SLC9C2: variants seen among roughly 807,000 people sequenced by gnomAD.
SLC9C2 encodes the protein solute carrier family 9 member C2 (putative).
Under a neutral mutation model 140.2 loss-of-function variants are expected in SLC9C2, and 75 were observed. That is an observed-to-expected ratio of 0.53 (90% CI 0.44 to 0.65). The LOEUF (loss-of-function observed/expected upper bound fraction) is 0.65. SLC9C2 is among the 30% of genes least tolerant of loss of function. The pLI, the probability that SLC9C2 is intolerant of heterozygous loss-of-function variation, is 0.00. For missense variants in SLC9C2, 1,074 were observed against 1,331.8 expected (o/e 0.81, Z 3.01); for synonymous variants, 375 against 420.9 (o/e 0.89, Z 1.34).
chr1:173,543,213 A>AAAAG (rs1247690017), intron 13 of SLC9C2, among the ~76,000 whole-genome samples: 123 of 123,562 alleles, frequency 1.0e-3, no homozygotes, highest in African/African-American at 4.5e-3. Context: ...ATACACTAAT[A>AAAAG]ACAGACAGAG....
intron 13 of SLC9C2, among the ~76,000 whole-genome samples, chr1:173,547,285 A>T (rs1483186067): frequency 6.6e-6 from 1 of 151,898 alleles, no homozygotes; most frequent in Non-Finnish European, 1.5e-5. Context: ...GATTCATCAG[A>T]TATATTTTAG....
intron 13 of SLC9C2, among the ~76,000 whole-genome samples, chr1:173,540,852 C>T (rs559997911): frequency 2.0e-5 from 3 of 152,166 alleles, no homozygotes; most frequent in East Asian, 1.9e-4. Context: ...ACATGTTTCT[C>T]GTCTATGGTT....
rs111320252 is a variant in SLC9C2, at chr1:173,500,536, C to T, written c.*558G>A. On this transcript the variant is annotated 3_prime_UTR_variant, in exon 28 of 28. Coordinates refer to ENST00000367714, the MANE Select transcript of SLC9C2 (RefSeq NM_178527.4). ...AAAGGTGACATCAAACAGTACTATG[C>T]AATATGAGAATATTAATTTCTCCTA... 1 of 152,150 alleles carries T rather than the reference C, an allele frequency of 6.6e-6. No individual in the cohort carries two copies. The highest frequency in any genetic ancestry group is 1.5e-5 in the Non-Finnish European group (1 of 68,028). The allele number at this position is 152,150 out of a possible 1,614,324, so 9.4% of individuals were successfully genotyped here.
chr1:173,568,334 G>GT (rs1558074935), intron 9 of SLC9C2, among the ~76,000 whole-genome samples: 2 of 151,688 alleles, frequency 1.3e-5, no homozygotes, highest in African/African-American at 2.4e-5. Flanking sequence ...CTTTGTATTC[G>GT]TAAGTTCTTA....
chr1:173,587,994 C>T (rs997583024), intron 4 of SLC9C2, among the ~76,000 whole-genome samples, 164 bp from the exon 5 acceptor site: 22 of 152,114 alleles, frequency 1.4e-4, no homozygotes, highest in Middle Eastern at 3.2e-3. Flanking sequence ...ACAAAGAAAC[C>T]GCCCCTTTCA....
intron 17 of SLC9C2, among the ~76,000 whole-genome samples, chr1:173,531,026 T>TC (rs1661538536): frequency 6.6e-6 from 1 of 152,186 alleles, no homozygotes; most frequent in South Asian, 2.1e-4. Flanking sequence ...TTAGGGCACC[T>TC]AAAGATTGCC....
chr1:173,558,587 G>C (rs1663876620), intron 9 of SLC9C2, among the ~76,000 whole-genome samples: 1 of 152,102 alleles, frequency 6.6e-6, no homozygotes, highest in South Asian at 2.1e-4. Context: ...TTGCCTCAAA[G>C]GATTATTGTG....
intron 4 of SLC9C2, among the ~76,000 whole-genome samples, chr1:173,595,279 GT>G (rs1171354984): frequency 6.6e-6 from 1 of 151,996 alleles, no homozygotes; most frequent in Non-Finnish European, 1.5e-5. Context: ...ATCATATGTA[GT>G]GCCTGTTCTC....
intron 16 of SLC9C2, among the ~76,000 whole-genome samples, 167 bp from the exon 17 acceptor site, chr1:173,533,964 C>A (rs10912636): frequency 2.0e-5 from 3 of 151,882 alleles, no homozygotes; most frequent in African/African-American, 7.3e-5. Flanking sequence ...AAAATCTTCA[C>A]CATTTATAAT....
At chr1:173,517,109 T>C (rs1660475363) in intron 23 of SLC9C2, among the ~76,000 whole-genome samples, 1 of 152,268 alleles carries the variant, frequency 6.6e-6, no homozygotes, top group African/African-American at 2.4e-5. Context: ...CACATGTATG[T>C]CTTCTTTTGA....
At chr1:173,586,653 G>T (rs1250615685) in intron 5 of SLC9C2, among the ~76,000 whole-genome samples, 1 of 152,132 alleles carries the variant, frequency 6.6e-6, no homozygotes, top group Non-Finnish European at 1.5e-5. Context: ...TGATAGACTG[G>T]ATAAAGAAAA....
At chr1:173,507,077 C>A in intron 24 of SLC9C2, 36 bp from the exon 25 acceptor site, 1 of 1,441,518 alleles carries the variant, frequency 6.9e-7, no homozygotes, top group South Asian at 1.4e-5. Flanking sequence ...ATAAGTCATA[C>A]AAACTGACAG....
chr1:173,517,791 A>G (rs1660522618), intron 22 of SLC9C2, 87 bp from the exon 23 acceptor site: 2 of 1,148,740 alleles, frequency 1.7e-6, no homozygotes, highest in Admixed American at 6.1e-5. Flanking sequence ...ATTTCTTACA[A>G]CTTTCCAATG....
intron 4 of SLC9C2, among the ~76,000 whole-genome samples, chr1:173,591,682 G>A (rs1191256868): frequency 6.6e-6 from 1 of 151,824 alleles, no homozygotes; most frequent in Admixed American, 6.6e-5. Flanking sequence ...TTCTTTTGAA[G>A]GGTGTCTGTT....
chr1:173,547,645 T>C (rs1420373872), intron 13 of SLC9C2, 44 bp downstream of exon 13: 4 of 1,472,156 alleles, frequency 2.7e-6, no homozygotes, highest in East Asian at 2.3e-5. Context: ...ATCAAAGACA[T>C]TGCAAGAAAG....
intron 5 of SLC9C2, among the ~76,000 whole-genome samples, chr1:173,585,389 A>G (rs977293744): frequency 6.6e-6 from 1 of 152,220 alleles, no homozygotes. Flanking sequence ...GCTTAAAAAA[A>G]TAATGTATTA....
In SLC9C2 at chr1:173,535,875, G is replaced by A. The variant is rs1661914742; in HGVS notation, c.1730C>T (p.Thr577Ile). Residue 577 changes from threonine (T) to isoleucine (I), a missense_variant, in exon 15 of 28, where the codon ACT (threonine) becomes ATT (isoleucine). Physicochemically the swap from Thr to Ile is moderately conservative, Grantham distance 89. Coordinates refer to ENST00000367714, the MANE Select transcript of SLC9C2 (RefSeq NM_178527.4). ...SWLIKFKNVL[T>I]FLEYCIEKIH... ...CTTTTCTATACAATATTCCAAGAAAGTTAAAACATTTTTAAACTTTATAAG... is the reference window on the plus strand; with the variant it reads ...CTTTTCTATACAATATTCCAAGAAAATTAAAACATTTTTAAACTTTATAAG... 1.3e-6 allele frequency: 2 copies of A among 1,513,254 alleles called. No individual in the cohort carries two copies. Among genetic ancestry groups the A allele is most frequent in the Non-Finnish European group, 1.8e-6 (2 of 1,125,622 alleles). The allele number at this position is 1,513,254 out of a possible 1,614,324, so 93.7% of individuals were successfully genotyped here.
chr1:173,590,737 C>G (rs1429019584), intron 4 of SLC9C2, among the ~76,000 whole-genome samples: 4 of 152,082 alleles, frequency 2.6e-5, no homozygotes, highest in Non-Finnish European at 5.9e-5. Context: ...GACTAACGGG[C>G]AGGAGATAAT....
chr1:173,586,370 T>A (rs1260330792), intron 5 of SLC9C2, among the ~76,000 whole-genome samples: 1 of 152,178 alleles, frequency 6.6e-6, no homozygotes, highest in South Asian at 2.1e-4. Context: ...TTCACTCCAC[T>A]CATAAGGTAG....
Sources: allele counts gnomAD v4.1 joint callset (sites outside exome capture counted in the v4.1 genomes callset), GRCh38; gene constraint gnomAD v4.1.1; transcripts MANE v1.5; gene names NCBI Gene and HGNC (gene_info 2026-07-23, HGNC 2026-07-21).